The following NOTCH4 variants were observed in gnomAD, a reference collection of about 807,000 sequenced individuals.
NOTCH4 encodes neurogenic locus notch homolog protein 4.
A neutral mutation model predicts 189.0 loss-of-function variants in NOTCH4; 138 were observed. The observed-to-expected ratio is 0.73, with a 90% CI of 0.64 to 0.84. The LOEUF is 0.84. Ranked by LOEUF, NOTCH4 falls within the 40% of genes least tolerant of loss-of-function variation. NOTCH4 has a pLI of 0.00. For missense variants in NOTCH4, 2,286 were observed against 2,605.4 expected, an observed-to-expected ratio of 0.88 and a Z score of 2.67; for synonymous variants, 942 against 1,032.8, an observed-to-expected ratio of 0.91 and a Z score of 1.69.
intron 12 of NOTCH4, among the ~76,000 whole-genome samples, chr6:32,214,466 GATATAT>G (rs1554151235): frequency 1.7e-5 from 2 of 116,684 alleles, no homozygotes; most frequent in African/African-American, 6.4e-5. Context: ...TCTAGTTGGA[GATATAT>G]ATATATATAT....
At chr6:32,219,287 C>T (rs570927331) in intron 8 of NOTCH4, among the ~76,000 whole-genome samples, 47 of 152,204 alleles carry the variant, frequency 3.1e-4, no homozygotes, top group Non-Finnish European at 5.6e-4. Flanking sequence ...ATGAACTGCT[C>T]TTCTACCCTC....
At chr6:32,214,484 TACACAC>T (rs9281674) in intron 12 of NOTCH4, among the ~76,000 whole-genome samples, 1 of 141,246 alleles carries the variant, frequency 7.1e-6, no homozygotes, top group African/African-American at 2.8e-5. Context: ...TATATATATA[TACACAC>T]ATATATATTC....
rs751267795 is a variant in NOTCH4, at chr6:32,198,621, C to G, written c.4617+28G>C. 5.0e-6 allele frequency: 8 copies of G among 1,611,188 alleles called. No homozygotes were observed. Among genetic ancestry groups the G allele is most frequent in the African/African-American group, 4.0e-5 (3 of 74,898 alleles). On this transcript the variant is annotated intron_variant, in intron 25 of 29. Transcript: ENST00000375023. This position sits in a 1 kb window ranked among gnomAD's most constrained non-coding sequence, Gnocchi z 5.5. ...GCCCTTTCATCCCTTCCATCACCTC[C>G]AGACCATTCTTGCCCCAGCCCTTTC...
At position 32,222,999 on chromosome 6, in the gene NOTCH4, A is replaced by C; in HGVS notation, c.155+6T>G. ...CCAGTCTCCCACTCCTGCAAGGCAC[A>C]CTCACTGGCAGGTCCCTTGTCCCAG... On this transcript the variant is annotated splice_donor_region_variant and intron_variant, in intron 2 of 29. Coordinates refer to ENST00000375023, the MANE Select transcript of NOTCH4 (RefSeq NM_004557.4). 1 of 1,605,816 alleles carries C rather than the reference A, an allele frequency of 6.2e-7. No homozygotes were observed. Among genetic ancestry groups the C allele is most frequent in the Non-Finnish European group, 8.5e-7 (1 of 1,176,926 alleles).
At position 32,200,947 on chromosome 6, in the gene NOTCH4, C is replaced by T. The variant is rs755356228; in HGVS notation, c.4199G>A (p.Arg1400His). 28 of 1,604,278 alleles carry T rather than the reference C, an allele frequency of 1.7e-5. No homozygotes were observed. The highest frequency in any genetic ancestry group is 1.1e-4 in the East Asian group (5 of 44,790). ...SRCGPDHPAS[R>H]CPWDPGLLLR... is the part of the protein sequence containing the mutation. The stretch of plus-strand genomic sequence containing the variant: ...TAGAAGCCCAGGGTCCCAGGGACAG[C>T]GGGATGCCGGGTGGTCAGGGCCACA... Residue 1400 changes from arginine (R) to histidine (H), a missense_variant, in exon 23 of 30, where the codon CGC becomes CAC. Coordinates refer to ENST00000375023, the MANE Select transcript of NOTCH4 (RefSeq NM_004557.4). This position sits in a 1 kb window ranked among gnomAD's most constrained non-coding sequence, Gnocchi z 5.0.
chr6:32,195,374 G>A lies in NOTCH4; in HGVS notation c.*63C>T. 2.7e-6 allele frequency: 4 copies of A among 1,469,154 alleles called. No homozygotes were observed. The highest frequency in any genetic ancestry group is 1.3e-5 in the South Asian group (1 of 74,404). 91.0% of individuals were successfully genotyped at this position (1,469,154 alleles called of 1,614,324 possible). A position where few individuals can be genotyped will look rare whatever the true frequency, so the allele number is the denominator to read the frequency against. ...GGGGGATCCATCTTAAAACCAGGAA[G>A]GCCTTCCAGCCTGCCTTTTAATGGG... On this transcript the variant is annotated 3_prime_UTR_variant, in exon 30 of 30. Transcript: ENST00000375023. The surrounding 1 kb of genome is among the most constrained non-coding windows in gnomAD (Gnocchi z 5.4).
Position 32,197,439 on chromosome 6 carries a change from G to T in NOTCH4, c.4912C>A (p.Leu1638Met), listed in dbSNP as rs772017309. 1 of 1,558,336 alleles carries T rather than the reference G, an allele frequency of 6.4e-7. No individual in the cohort carries two copies. Among genetic ancestry groups the T allele is most frequent in the Non-Finnish European group, 8.7e-7 (1 of 1,152,254 alleles). The change falls in exon 27 of 30, where the codon CTG becomes ATG. Residue 1638 changes from leucine to methionine, a missense_variant. Around this residue, in one of 2 missense-constraint regions of NOTCH4, gnomAD observed 1,903 missense variants for 2,261.9 expected, o/e 0.84. Coordinates refer to ENST00000375023, the MANE Select transcript of NOTCH4 (RefSeq NM_004557.4). ...CGGGAGAATCGGGCAGCCAGGTGCA[G>T]GGGGGTCTCCCCAGTGCCCACGGTG... ...AHTVGTGETP[L>M]HLAARFSRPT...
Position 32,214,118 on chromosome 6 carries a change from C to T in NOTCH4, c.2159G>A (p.Gly720Asp). 6.2e-7 allele frequency: 1 copy of T among 1,612,076 alleles called. No homozygotes were observed. Among genetic ancestry groups the T allele is most frequent in the Non-Finnish European group, 8.5e-7 (1 of 1,179,138 alleles). The stretch of plus-strand genomic sequence containing the variant: ...TTTAGGGAGGGTCTCACCTGTGTAG[C>T]CTGTAGGGCAGGTGCAGTTGTAGCC... Reference protein sequence around the residue: ...PSGYNCTCPTGYTGPTCSEEM... With the variant: ...PSGYNCTCPTDYTGPTCSEEM... Residue 720 changes from glycine (G) to aspartate (D), a missense_variant, in exon 13 of 30, where the codon GGC (glycine) becomes GAC (aspartate). This residue lies in a region of NOTCH4 where 1,903 missense variants were observed against 2,261.9 expected (regional missense o/e 0.84). Coordinates refer to ENST00000375023, the MANE Select transcript of NOTCH4 (RefSeq NM_004557.4).
At chr6:32,206,164 A>G (rs1331275330) in intron 18 of NOTCH4, among the ~76,000 whole-genome samples, 2 of 152,170 alleles carry the variant, frequency 1.3e-5, no homozygotes, top group Non-Finnish European at 2.9e-5. Context: ...CAAGACAAGG[A>G]TGCTCACTTT....
In NOTCH4 at chr6:32,196,414, A is replaced by G; in HGVS notation, c.5208T>C (p.Thr1736=). ...TCACGGCAGCAGCCCAGTGCAGCGC[A>G]GTTTTCCCTAGGGGACGACGTGGGA... ...DVGARDKWGK[T]ALHWAAAVNN... is the part of the protein sequence containing the mutation. Residue 1736 remains threonine, a synonymous_variant, in exon 29 of 30, where the codon ACT becomes ACC. Coordinates refer to ENST00000375023, the MANE Select transcript of NOTCH4 (RefSeq NM_004557.4). 6.2e-7 allele frequency: 1 copy of G among 1,612,880 alleles called. No homozygotes were observed. The highest frequency in any genetic ancestry group is 8.5e-7 in the Non-Finnish European group (1 of 1,179,984).
At chr6:32,205,285 C>T (rs1448120380) in intron 18 of NOTCH4, among the ~76,000 whole-genome samples, 2 of 151,934 alleles carry the variant, frequency 1.3e-5, no homozygotes, top group African/African-American at 4.8e-5. Flanking sequence ...TGCGGTGGCT[C>T]ACGCCTGTAA....
chr6:32,207,313 A>T (rs1403026944), intron 18 of NOTCH4, among the ~76,000 whole-genome samples: 4 of 151,878 alleles, frequency 2.6e-5, no homozygotes, highest in Non-Finnish European at 4.4e-5. Flanking sequence ...GGAAAACTGG[A>T]TATCCATATG....
intron 18 of NOTCH4, among the ~76,000 whole-genome samples, chr6:32,206,820 A>G (rs1788702683): frequency 6.6e-6 from 1 of 152,092 alleles, no homozygotes; most frequent in African/African-American, 2.4e-5. Flanking sequence ...AGTAACCAAA[A>G]CAGCATGGTG....
chr6:32,200,794 G>A lies in NOTCH4; in HGVS notation c.4315+37C>T. 1.3e-6 allele frequency: 2 copies of A among 1,543,592 alleles called. No individual in the cohort carries two copies. Among genetic ancestry groups the A allele is most frequent in the Non-Finnish European group, 1.8e-6 (2 of 1,142,038 alleles). On this transcript the variant is annotated intron_variant, in intron 23 of 29. Transcript: ENST00000375023. This position sits in a 1 kb window ranked among gnomAD's most constrained non-coding sequence, Gnocchi z 5.0. ...GTTGCTAGCATGAGAGCTGGCCTGGGAACAGAGGTCAGAGAAAGTGGCAAG... is the reference window on the plus strand; with the variant it reads ...GTTGCTAGCATGAGAGCTGGCCTGGAAACAGAGGTCAGAGAAAGTGGCAAG...
intron 18 of NOTCH4, among the ~76,000 whole-genome samples, chr6:32,204,977 G>A (rs967083727): frequency 3.3e-5 from 5 of 152,320 alleles, no homozygotes; most frequent in African/African-American, 9.6e-5. Flanking sequence ...ATAGCTATAG[G>A]TGGCAGAGCT....
chr6:32,202,141 G>A lies in NOTCH4; in HGVS notation c.3690C>T (p.His1230=), dbSNP rs2127466788. ...GACACTCTTCAGAGTCACACTGTGG[G>A]TGGCACTGCCCGTCCCGGAAGAGAA... ...CWLLFRDGQC[H]PQCDSEECLF... Residue 1230 remains histidine, a synonymous_variant, in exon 21 of 30, where the codon CAC becomes CAT. Coordinates refer to ENST00000375023, the MANE Select transcript of NOTCH4 (RefSeq NM_004557.4). The surrounding 1 kb of genome is among the most constrained non-coding windows in gnomAD (Gnocchi z 5.7). The A allele has an allele frequency of 6.6e-7, 1 of 1,516,040 alleles. No homozygotes were observed. The highest frequency in any genetic ancestry group is 8.8e-7 in the Non-Finnish European group (1 of 1,132,236). The allele number at this position is 1,516,040 out of a possible 1,614,324, so 93.9% of individuals were successfully genotyped here.
chr6:32,215,458 A>G, intron 11 of NOTCH4, 73 bp from the exon 12 acceptor site: 7 of 1,446,030 alleles, frequency 4.8e-6, no homozygotes, highest in Middle Eastern at 1.9e-4. Flanking sequence ...CACATCCTTC[A>G]TTGGGCCAAA....
Position 32,204,139 on chromosome 6 carries a change from G to C in NOTCH4, c.3116C>G (p.Thr1039Arg). 2 of 1,612,586 alleles carry C rather than the reference G, an allele frequency of 1.2e-6. No individual in the cohort carries two copies. Among genetic ancestry groups the C allele is most frequent in the Non-Finnish European group, 1.7e-6 (2 of 1,179,940 alleles). Residue 1039 changes from threonine (T) to arginine (R), a missense_variant and splice_region_variant, in exon 19 of 30, where the codon ACA (threonine) becomes AGA (arginine). This residue lies in a region of NOTCH4 where 1,903 missense variants were observed against 2,261.9 expected (regional missense o/e 0.84). Coordinates refer to ENST00000375023, the MANE Select transcript of NOTCH4 (RefSeq NM_004557.4). The part of the protein sequence containing the change: ...AFYCQCLPGH[T>R]GQWCEVEIDP... ...TGCCCCTTGTCTTGGGGCCTCACCT[G>C]TGTGTCCAGGCAGACACTGGCAGTA...
Position 32,201,670 on chromosome 6 carries a change from A to G in NOTCH4, c.3756-170T>C, listed in dbSNP as rs911386836. ...CCTGGATGGTAGTCCAGACACCCCA[A>G]TGTCTGCTAACACCCCTGTCTCCCT... On this transcript the variant is annotated intron_variant, in intron 21 of 29. Transcript: ENST00000375023. This position sits in a 1 kb window ranked among gnomAD's most constrained non-coding sequence, Gnocchi z 5.5. 159 of 517,164 alleles carry G rather than the reference A, an allele frequency of 3.1e-4. 1 individual carries two copies. Among genetic ancestry groups the G allele is most frequent in the Middle Eastern group, 9.6e-4 (2 of 2,076 alleles). 32.0% of individuals were successfully genotyped at this position (517,164 alleles called of 1,614,324 possible).
Sources: gnomAD v4.1 joint callset for allele counts (sites outside exome capture counted in the v4.1 genomes callset) on GRCh38, gnomAD v4.1.1 for gene constraint, gnomAD v4.1.1 regional missense constraint, Gnocchi (gnomAD v3.1) non-coding constraint, MANE v1.5 for transcripts, NCBI Gene and HGNC (gene_info 2026-07-23, HGNC 2026-07-21) for gene names.